The following ADGRB3 variants were observed in gnomAD, a reference collection of about 807,000 sequenced individuals.
ADGRB3 encodes the protein adhesion G protein-coupled receptor B3.
Under a neutral mutation model 193.4 loss-of-function variants are expected in ADGRB3, and 37 were observed. The observed-to-expected ratio is 0.19, with a 90% CI of 0.15 to 0.25. The LOEUF (loss-of-function observed/expected upper bound fraction) is 0.25, where lower values mean the gene tolerates loss of function less well. Among genes scored for constraint, ADGRB3 ranks in the 10% least tolerant of loss-of-function variants. ADGRB3 has a pLI of 1.00. For synonymous variants in ADGRB3, 690 were observed against 644.2 expected (o/e 1.07, Z -1.08); for missense variants, 1,637 against 1,852.9 (o/e 0.88, Z 2.14).
chr6:68,971,294 A>G (rs1768560791), intron 8 of ADGRB3, among the ~76,000 whole-genome samples: 2 of 152,236 alleles, frequency 1.3e-5, no homozygotes, highest in Non-Finnish European at 1.5e-5. Context: ...TATTATAAAT[A>G]GTATATAGAT....
chr6:69,072,368 G>A (rs1174574412), intron 16 of ADGRB3, among the ~76,000 whole-genome samples: 2 of 152,046 alleles, frequency 1.3e-5, no homozygotes, highest in African/African-American at 4.8e-5. Flanking sequence ...AGAAGTAAGG[G>A]GTGAAGAACA....
In ADGRB3 at chr6:68,813,556, T is replaced by A. The variant is rs189555238; in HGVS notation, c.758-117003T>A. 1.8e-3 allele frequency among the ~76,000 whole-genome samples: 277 copies of A among 151,636 alleles called. 2 individuals are homozygous for A. The highest frequency in any genetic ancestry group is 0.012 in the South Asian group (58 of 4,764). On this transcript the variant is annotated intron_variant, in intron 3 of 31. Transcript: ENST00000370598. ...TGAAAGGAATTTGACTTATTATGAATAATGGAATGCTTTTTTTTTTTTAAG... is the reference window on the plus strand; with the variant it reads ...TGAAAGGAATTTGACTTATTATGAAAAATGGAATGCTTTTTTTTTTTTAAG...
intron 17 of ADGRB3, among the ~76,000 whole-genome samples, chr6:69,156,248 G>T: frequency 6.6e-6 from 1 of 152,186 alleles, no homozygotes; most frequent in East Asian, 1.9e-4. Context: ...GTTAAATTAT[G>T]TGAAGGAAAC....
chr6:69,282,692 A>G (rs1167716227), intron 20 of ADGRB3, among the ~76,000 whole-genome samples: 1 of 152,188 alleles, frequency 6.6e-6, no homozygotes. Context: ...GGGTGACTAT[A>G]AGCTTCTTAG....
Position 69,239,239 on chromosome 6 carries a change from A to T in ADGRB3, c.2814+13A>T. On this transcript the variant is annotated intron_variant, in intron 20 of 31. Transcript: ENST00000370598. ...GACACATAATAAGGTATGACTGGTA[A>T]TTATTCTGATTCTTTTTTTGTGTTT... 1 of 1,458,362 alleles carries T rather than the reference A, an allele frequency of 6.9e-7. No homozygotes were observed. Among genetic ancestry groups the T allele is most frequent in the Non-Finnish European group, 9.5e-7 (1 of 1,050,330 alleles). The allele number at this position is 1,458,362 out of a possible 1,614,324, so 90.3% of individuals were successfully genotyped here.
chr6:69,343,647 A>T (rs893685033), intron 26 of ADGRB3, among the ~76,000 whole-genome samples: 4 of 152,144 alleles, frequency 2.6e-5, no homozygotes, highest in Non-Finnish European at 5.9e-5. Flanking sequence ...TATTCTTGAA[A>T]ATACAGTTTC....
At chr6:69,340,347 G>A (rs1175360239) in intron 26 of ADGRB3, among the ~76,000 whole-genome samples, 2 of 152,122 alleles carry the variant, frequency 1.3e-5, no homozygotes, top group South Asian at 2.1e-4. Context: ...TATTTATAAG[G>A]TTTATGAGTC....
At chr6:69,124,319 T>C (rs1773798282) in intron 17 of ADGRB3, among the ~76,000 whole-genome samples, 1 of 152,224 alleles carries the variant, frequency 6.6e-6, no homozygotes, top group African/African-American at 2.4e-5. Context: ...TTCTGTTACA[T>C]GAATTGATGG....
chr6:69,366,625 T>A (rs1227449360), intron 29 of ADGRB3, among the ~76,000 whole-genome samples: 1 of 152,090 alleles, frequency 6.6e-6, no homozygotes, highest in African/African-American at 2.4e-5. Context: ...ATTTCTCCTT[T>A]CTATTAGTGA....
intron 17 of ADGRB3, among the ~76,000 whole-genome samples, chr6:69,208,337 C>A (rs979992518): frequency 1.3e-5 from 2 of 152,238 alleles, no homozygotes; most frequent in Non-Finnish European, 2.9e-5. Context: ...CACCAACATA[C>A]CTCTTCCCCA....
rs865842498 is a variant in ADGRB3, at chr6:69,297,342, C to A, written c.2815-27530C>A. Among the ~76,000 whole-genome samples, 11 of 113,020 alleles carry A rather than the reference C, an allele frequency of 9.7e-5. No individual in the cohort carries two copies. In the South Asian group the frequency reaches 1.8e-3, roughly 18 times the overall value. 74.1% of individuals were successfully genotyped at this position (113,020 alleles called of 152,430 possible). On this transcript the variant is annotated intron_variant, in intron 20 of 31. Transcript: ENST00000370598. ...AAATTAAGGACACTTCTACTGATATCTCTCTCTCTCTCTCTCTCTCTCTCT... is the reference window on the plus strand; with the variant it reads ...AAATTAAGGACACTTCTACTGATATATCTCTCTCTCTCTCTCTCTCTCTCT...
chr6:68,758,784 T>C (rs763346671), intron 3 of ADGRB3, among the ~76,000 whole-genome samples: 1 of 152,180 alleles, frequency 6.6e-6, no homozygotes, highest in Non-Finnish European at 1.5e-5. Context: ...ATGGCATTTA[T>C]GTTGTTCAGC....
At chr6:69,259,423 C>T (rs569299804) in intron 20 of ADGRB3, among the ~76,000 whole-genome samples, 10 of 152,230 alleles carry the variant, frequency 6.6e-5, no homozygotes, top group East Asian at 3.9e-4. Context: ...GGGCTGGGCG[C>T]GGTGGCTCAC....
At chr6:68,997,515 G>A (rs117704059) in intron 11 of ADGRB3, among the ~76,000 whole-genome samples, 3,202 of 146,142 alleles carry the variant, frequency 0.022, 58 homozygotes, top group East Asian at 0.051. Flanking sequence ...AAAAAGCAGT[G>A]CATGGTAGTG....
chr6:68,711,672 T>G (rs1466559720), intron 3 of ADGRB3, among the ~76,000 whole-genome samples: 1 of 150,866 alleles, frequency 6.6e-6, no homozygotes, highest in Admixed American at 6.6e-5. Flanking sequence ...TTGACTTGAC[T>G]GCTGGGTCTG....
chr6:69,111,789 A>T (rs1773373408), intron 17 of ADGRB3, among the ~76,000 whole-genome samples: 2 of 152,262 alleles, frequency 1.3e-5, no homozygotes, highest in Non-Finnish European at 2.9e-5. Context: ...CAGAACAAAT[A>T]AAACAATCAA....
At chr6:68,929,259 A>G (rs1273890495) in intron 3 of ADGRB3, among the ~76,000 whole-genome samples, 3 of 152,298 alleles carry the variant, frequency 2.0e-5, no homozygotes, top group East Asian at 3.9e-4. Flanking sequence ...TCTGCCTTGG[A>G]TATTTTCTCA....
intron 20 of ADGRB3, among the ~76,000 whole-genome samples, chr6:69,299,739 A>G (rs1224252831): frequency 2.0e-5 from 3 of 151,780 alleles, no homozygotes; most frequent in African/African-American, 7.3e-5. Context: ...TCATTAATCT[A>G]TGTGTCTGTA....
chr6:68,875,849 T>A (rs1765581153), intron 3 of ADGRB3, among the ~76,000 whole-genome samples: 1 of 152,058 alleles, frequency 6.6e-6, no homozygotes, highest in Non-Finnish European at 1.5e-5. Context: ...AAAACTTACA[T>A]AGAATGAGAA....
Sources: gnomAD v4.1 joint callset for allele counts (sites outside exome capture counted in the v4.1 genomes callset) on GRCh38, gnomAD v4.1.1 for gene constraint, MANE v1.5 for transcripts, NCBI Gene and HGNC (gene_info 2026-07-23, HGNC 2026-07-21) for gene names.